BTD: variants seen among roughly 807,000 people sequenced by gnomAD.
The protein encoded by BTD is biocytinase.
A neutral mutation model predicts 17.7 loss-of-function variants in BTD; 13 were observed. The ratio of observed to expected loss-of-function variants is 0.74; its 90% CI spans 0.48 to 1.17. BTD has a LOEUF of 1.17. Ranked by LOEUF, BTD falls within the 50% of genes most tolerant of loss-of-function variation. The pLI is 0.00. For synonymous variants in BTD, 240 were observed against 245.2 expected (o/e 0.98, Z 0.20); for missense variants, 674 against 650.4 (o/e 1.04, Z -0.39).
chr3:15,614,668 G>A (rs2125369503), intron 1 of BTD, among the ~76,000 whole-genome samples: 1 of 147,914 alleles, frequency 6.8e-6, no homozygotes, highest in East Asian at 2.0e-4. Flanking sequence ...TGTGATCTTA[G>A]CTCACTGCCA....
At chr3:15,620,777 A>G (rs112297179) in intron 1 of BTD, among the ~76,000 whole-genome samples, 215 of 152,360 alleles carry the variant, frequency 1.4e-3, no homozygotes, top group African/African-American at 5.0e-3. Context: ...TGGTCCCTCC[A>G]TTCAGGGTCC....
In BTD at chr3:15,631,075, G is replaced by T. The variant is rs576381544; in HGVS notation, c.-16-4349G>T. On this transcript the variant is annotated intron_variant, in intron 1 of 3. Coordinates refer to ENST00000643237, the MANE Select transcript of BTD (RefSeq NM_001370658.1). ...CATTATTTCTCCTGTTTATGTAAAA[G>T]AATTTAGACAATGAAGTCACGAAAT... is the stretch of plus-strand genomic sequence containing the variant. 2.0e-5 allele frequency among the ~76,000 whole-genome samples: 3 copies of T among 152,320 alleles called. No individual in the cohort carries two copies. In the South Asian group the frequency reaches 6.2e-4, roughly 32 times the overall value.
intron 3 of BTD, among the ~76,000 whole-genome samples, chr3:15,661,698 T>C (rs2065927056): frequency 1.3e-5 from 2 of 152,194 alleles, no homozygotes; most frequent in South Asian, 4.1e-4. Flanking sequence ...TGGTGTTATA[T>C]CTAAAAAGTC....
At chr3:15,697,067 G>A (rs1300318629) in intron 3 of BTD, among the ~76,000 whole-genome samples, 2 of 152,066 alleles carry the variant, frequency 1.3e-5, no homozygotes, top group Non-Finnish European at 1.5e-5. Flanking sequence ...GAACGAGTGC[G>A]TAAAGAAAAT....
intron 3 of BTD, chr3:15,676,455 C>T (rs9832028): frequency 0.04 from 6,292 of 156,328 alleles, 425 homozygotes; most frequent in African/African-American, 0.14. Flanking sequence ...AATCCCAGAA[C>T]GGGCAACAAT....
At chr3:15,686,298 G>C in intron 3 of BTD, 1 of 1,580,730 alleles carries the variant, frequency 6.3e-7, no homozygotes, top group Non-Finnish European at 8.6e-7. Flanking sequence ...CATTCTGAAT[G>C]ACCATTTGTT....
intron 3 of BTD, among the ~76,000 whole-genome samples, chr3:15,691,174 G>A (rs1205501485): frequency 1.3e-5 from 2 of 150,964 alleles, no homozygotes; most frequent in Non-Finnish European, 2.9e-5. Flanking sequence ...CCAGGCTGGA[G>A]TGCAGTGGCA....
chr3:15,696,118 A>G, intron 3 of BTD: 1 of 1,515,014 alleles, frequency 6.6e-7, no homozygotes, highest in Non-Finnish European at 9.0e-7. Context: ...CTTTCACAAG[A>G]ATTCAGGAAT....
At chr3:15,678,361 TA>T in intron 3 of BTD, 1 of 1,584,320 alleles carries the variant, frequency 6.3e-7, no homozygotes, top group Non-Finnish European at 8.5e-7. Context: ...AGTTCTGTGA[TA>T]AAGAAAAATT....
intron 3 of BTD, chr3:15,709,627 A>G (rs766980191): frequency 7.2e-7 from 1 of 1,380,026 alleles, no homozygotes; most frequent in South Asian, 1.3e-5. Flanking sequence ...CAAGTTATTA[A>G]GTAAAAATAG....
At chr3:15,715,353 C>T (rs73036019), downstream of BTD, among the ~76,000 whole-genome samples, 839 of 152,296 alleles carry the variant, frequency 5.5e-3, 7 homozygotes, top group Middle Eastern at 0.014. Flanking sequence ...ATGCCTTCTG[C>T]ATAGGTACTA....
chr3:15,686,798 T>A (rs2068176578), intron 3 of BTD, among the ~76,000 whole-genome samples: 2 of 152,116 alleles, frequency 1.3e-5, no homozygotes, highest in Non-Finnish European at 2.9e-5. Context: ...AAGCCCCCAT[T>A]CCTTCCTGAT....
intron 3 of BTD, among the ~76,000 whole-genome samples, chr3:15,691,653 C>T (rs1157968809): frequency 1.2e-4 from 18 of 152,158 alleles, no homozygotes; most frequent in Non-Finnish European, 2.1e-4. Context: ...TATAATGAAT[C>T]TGTGTAGAAA....
At chr3:15,611,235 T>C (rs2064616995) in intron 1 of BTD, among the ~76,000 whole-genome samples, 1 of 152,172 alleles carries the variant, frequency 6.6e-6, no homozygotes, top group South Asian at 2.1e-4. Flanking sequence ...TTAGGAAAGC[T>C]GATGAAACTG....
chr3:15,695,168 G>A, intron 3 of BTD: 1 of 1,582,894 alleles, frequency 6.3e-7, no homozygotes, highest in Non-Finnish European at 8.6e-7. Context: ...ATTGGTGGGA[G>A]GGAATTGACT....
At position 15,651,236 on chromosome 3, in the gene BTD, G is replaced by A. The variant is rs1451127025; in HGVS notation, c.*5748G>A. Reference sequence around the variant, plus strand: ...GGGAAGGGGAGTGGGATATAGTTGGGCCAAAACAGTAAATGTCCACGAGGC... The same window carrying A: ...GGGAAGGGGAGTGGGATATAGTTGGACCAAAACAGTAAATGTCCACGAGGC... On this transcript the variant is annotated 3_prime_UTR_variant, in exon 4 of 4. Transcript: ENST00000643237. Among the ~76,000 whole-genome samples the A allele has an allele frequency of 6.6e-6, 1 of 152,180 alleles. No individual in the cohort carries two copies. The highest frequency in any genetic ancestry group is 1.5e-5 in the Non-Finnish European group (1 of 68,024).
chr3:15,708,125 G>C (rs755071646), intron 3 of BTD: 64 of 1,523,690 alleles, frequency 4.2e-5, no homozygotes, highest in Non-Finnish European at 5.7e-5. Context: ...GTAAACAAAA[G>C]CATAGTTGAC....
At chr3:15,655,000 T>TG (rs2065857820), downstream of BTD, among the ~76,000 whole-genome samples, 1 of 152,226 alleles carries the variant, frequency 6.6e-6, no homozygotes, top group Admixed American at 6.5e-5. Context: ...CCCAAAGTGC[T>TG]GGGATTATAG....
intron 2 of BTD, among the ~76,000 whole-genome samples, chr3:15,638,867 G>A (rs1371053416): frequency 6.6e-6 from 1 of 152,224 alleles, no homozygotes; most frequent in Non-Finnish European, 1.5e-5. Context: ...CAAGTGGTAA[G>A]CATTTGTATA....
Sources: allele counts gnomAD v4.1 joint callset (sites outside exome capture counted in the v4.1 genomes callset), GRCh38; gene constraint gnomAD v4.1.1; transcripts MANE v1.5; gene names NCBI Gene and HGNC (gene_info 2026-07-23, HGNC 2026-07-21).